Variants in ERFL observed in about 807,000 individuals in gnomAD.
ERFL encodes ETS domain-containing transcription factor ERF-like.
In ERFL, 8 loss-of-function variants were observed where a neutral mutation model predicts 27.9. The observed-to-expected ratio is 0.29, with a 90% CI of 0.17 to 0.52. ERFL has a LOEUF of 0.52. Among genes scored for constraint, ERFL ranks in the 20% least tolerant of loss-of-function variants. The probability of loss-of-function intolerance (pLI) is 0.97; values close to 1 mark genes in which losing one functional copy is unlikely to be tolerated. For missense variants in ERFL, 294 were observed against 444.4 expected (o/e 0.66, Z 3.04); for synonymous variants, 174 against 202.8 (o/e 0.86, Z 1.21).
chr19:41,921,139 G>A lies in ERFL; in HGVS notation c.-14+6901C>T, dbSNP rs560183410. On this transcript the variant is annotated intron_variant, in intron 1 of 5. Transcript: ENST00000597630. This position sits in a 1 kb window ranked among gnomAD's most constrained non-coding sequence, Gnocchi z 4.4. Reference sequence around the variant, plus strand: ...AGCTCTGGGGGAGGGGAGAGGGAGGGTGGAGGCGCCACCGTGAGGCGAGGC... The same window carrying A: ...AGCTCTGGGGGAGGGGAGAGGGAGGATGGAGGCGCCACCGTGAGGCGAGGC... 1.3e-5 allele frequency among the ~76,000 whole-genome samples: 2 copies of A among 152,158 alleles called. No individual in the cohort carries two copies. Among genetic ancestry groups the A allele is most frequent in the South Asian group, 4.2e-4 (2 of 4,792 alleles).
intron 1 of ERFL, among the ~76,000 whole-genome samples, chr19:41,919,020 G>T (rs60505133): frequency 6.7e-6 from 1 of 149,310 alleles, no homozygotes; most frequent in Non-Finnish European, 1.5e-5. Context: ...TACACACCAT[G>T]CCACAGACAC....
intron 1 of ERFL, among the ~76,000 whole-genome samples, chr19:41,918,954 A>G (rs1197812714): frequency 6.7e-6 from 1 of 150,278 alleles, no homozygotes; most frequent in Non-Finnish European, 1.5e-5. Flanking sequence ...CACCATACAC[A>G]CATGCACACC....
rs1245142166 is a variant in ERFL, at chr19:41,915,959, G to T, written c.-13-3027C>A. 4.6e-5 allele frequency among the ~76,000 whole-genome samples: 7 copies of T among 151,976 alleles called. No individual in the cohort carries two copies. In the East Asian group the frequency reaches 1.2e-3, roughly 25 times the overall value. ...CCCCCTCCCCCCCGCCGGCCGGCGT[G>T]GTGCGGATGGGTACTCCAGGCAAGC... On this transcript the variant is annotated intron_variant, in intron 1 of 5. Transcript: ENST00000597630.
intron 1 of ERFL, among the ~76,000 whole-genome samples, chr19:41,915,653 A>C (rs2074796305): frequency 6.8e-6 from 1 of 147,414 alleles, no homozygotes; most frequent in Non-Finnish European, 1.5e-5. Context: ...TCCATGCCCC[A>C]TCTCCCTGTC....
Position 41,909,912 on chromosome 19 carries a change from G to A in ERFL, c.253C>T (p.Arg85Cys), listed in dbSNP as rs1186471027. The change falls in exon 3 of 6, where the codon CGC (arginine) becomes TGC (cysteine). Residue 85 changes from arginine to cysteine, a missense_variant. Transcript: ENST00000597630. This position sits in a 1 kb window ranked among gnomAD's most constrained non-coding sequence, Gnocchi z 5.2. The part of the protein sequence containing the change: ...PDEVARLWGI[R>C]KCKPHMNYDK... ...TAATTCATGTGGGGCTTGCATTTGC[G>A]AATACCCCACAGCCGGGCCACCTCA... is the stretch of plus-strand genomic sequence containing the variant. The A allele has an allele frequency of 5.0e-6, 8 of 1,613,478 alleles. No individual in the cohort carries two copies. The highest frequency in any genetic ancestry group is 4.2e-6 in the Non-Finnish European group (5 of 1,179,810).
chr19:41,923,463 C>CA (rs1555852857), intron 1 of ERFL, among the ~76,000 whole-genome samples: 1 of 150,678 alleles, frequency 6.6e-6, no homozygotes, highest in Non-Finnish European at 1.5e-5. Flanking sequence ...GACAGACAGA[C>CA]AGAGACAAAA....
At chr19:41,912,581 T>TCGGGCCC (rs2074759424) in intron 2 of ERFL, among the ~76,000 whole-genome samples, 1 of 151,994 alleles carries the variant, frequency 6.6e-6, no homozygotes, top group Non-Finnish European at 1.5e-5. Context: ...TGCCCGGGCC[T>TCGGGCCC]CGGGCCCCTC....
intron 1 of ERFL, among the ~76,000 whole-genome samples, chr19:41,919,420 G>C (rs185217646): frequency 1.7e-4 from 26 of 152,092 alleles, no homozygotes; most frequent in African/African-American, 6.0e-4. Context: ...TTTAGGGCTG[G>C]ACACACAGTA....
Position 41,909,963 on chromosome 19 carries a change from C to T in ERFL, c.202G>A (p.Gly68Arg). ...QGVIAWQGDY[G>R]EFVIKDPDEV... ...TCGGGGTCTTTGATGACGAATTCCC[C>T]GTAGTCCCCCTGCCAGGCTATGACG... Residue 68 changes from glycine to arginine, a missense_variant, in exon 3 of 6, where the codon GGG (glycine) becomes AGG (arginine). By Grantham distance (125) the Gly-to-Arg change is moderately radical. Coordinates refer to ENST00000597630, the MANE Select transcript of ERFL (RefSeq NM_001365103.2). This position sits in a 1 kb window ranked among gnomAD's most constrained non-coding sequence, Gnocchi z 5.2. 5.6e-6 allele frequency: 9 copies of T among 1,613,896 alleles called. No homozygotes were observed. The highest frequency in any genetic ancestry group is 6.8e-6 in the Non-Finnish European group (8 of 1,179,958).
At position 41,928,392 on chromosome 19, in the gene ERFL, AGCGCGGGCGG is replaced by A. The variant is rs1367563865; in HGVS notation, c.-376_-367del. ...CTCCGGGCTGGAGCTCAGCACAGCG[AGCGCGGGCGG>A]GCGCGCGCCGGGGACAGCCTGGCCG... is the stretch of plus-strand genomic sequence containing the variant. On this transcript the variant is annotated 5_prime_UTR_variant, in exon 1 of 6. Transcript: ENST00000597630. 2 of 153,282 alleles carry A rather than the reference AGCGCGGGCGG, an allele frequency of 1.3e-5. No individual in the cohort carries two copies. Among genetic ancestry groups the A allele is most frequent in the African/African-American group, 4.8e-5 (2 of 41,380 alleles). The allele number at this position is 153,282 out of a possible 1,614,324, so 9.5% of individuals were successfully genotyped here. A position where few individuals can be genotyped will look rare whatever the true frequency, so the allele number is the denominator to read the frequency against.
chr19:41,925,162 G>A (rs1464688933), intron 1 of ERFL, among the ~76,000 whole-genome samples: 1 of 152,088 alleles, frequency 6.6e-6, no homozygotes, highest in East Asian at 1.9e-4. Flanking sequence ...TGCATAGTGG[G>A]TGTCGAAGCC....
rs1323997544 is a variant in ERFL, at chr19:41,909,065, C to T, written c.611G>A (p.Gly204Asp). Residue 204 changes from glycine (G) to aspartate (D), a missense_variant, in exon 5 of 6, where the codon GGC (glycine) becomes GAC (aspartate). Gly to Asp is a moderately conservative substitution (Grantham distance 94). This residue lies in a region of ERFL where 246 missense variants were observed against 371.4 expected (regional missense o/e 0.66). Transcript: ENST00000597630. The surrounding 1 kb of genome is among the most constrained non-coding windows in gnomAD (Gnocchi z 5.2). ...CAGAACCTCCAGGCTCTTACCAGAG[C>T]CCAGGAATGGGAAAGGGCTGTCCAG... ...LRLDSPFPFL[G>D]SGATSYSKPP... The T allele has an allele frequency of 8.1e-7, 1 of 1,231,248 alleles. No homozygotes were observed. Among genetic ancestry groups the T allele is most frequent in the Non-Finnish European group, 1.0e-6 (1 of 987,688 alleles). The allele number at this position is 1,231,248 out of a possible 1,614,324, so 76.3% of individuals were successfully genotyped here.
chr19:41,919,727 G>T (rs1299318465), intron 1 of ERFL, among the ~76,000 whole-genome samples: 1 of 152,058 alleles, frequency 6.6e-6, no homozygotes, highest in African/African-American at 2.4e-5. Context: ...TCTCAGGGTC[G>T]CACTCACTTG....
intron 1 of ERFL, among the ~76,000 whole-genome samples, chr19:41,915,458 C>T (rs2074795190): frequency 6.6e-6 from 1 of 151,792 alleles, no homozygotes; most frequent in African/African-American, 2.4e-5. Flanking sequence ...TCTTGGTTCC[C>T]ACGTCGTCTC....
In ERFL at chr19:41,915,159, T is replaced by C. The variant is rs1417003249; in HGVS notation, c.-13-2227A>G. ...CCCCACCCCCTATTGGCCCCTCTCA[T>C]TTCCGTGTTGGTTTTGATTTCTCTT... On this transcript the variant is annotated intron_variant, in intron 1 of 5. Coordinates refer to ENST00000597630, the MANE Select transcript of ERFL (RefSeq NM_001365103.2). Among the ~76,000 whole-genome samples, 4 of 77,214 alleles carry C rather than the reference T, an allele frequency of 5.2e-5. No individual in the cohort carries two copies. The Admixed American group carries it at 5.7e-4, about 11-fold the overall frequency. The allele number at this position is 77,214 out of a possible 152,430, so 50.7% of individuals were successfully genotyped here.
Position 41,909,619 on chromosome 19 carries a change from A to C in ERFL, c.303-148T>G, listed in dbSNP as rs549762024. ...GGCTCACAGAAGTCCCTTAATAGGG[A>C]TCACAGGGCAAGGAAGGGATGAGGC... On this transcript the variant is annotated intron_variant, in intron 3 of 5. Coordinates refer to ENST00000597630, the MANE Select transcript of ERFL (RefSeq NM_001365103.2). This position sits in a 1 kb window ranked among gnomAD's most constrained non-coding sequence, Gnocchi z 5.2. 2.4e-5 allele frequency: 20 copies of C among 840,820 alleles called. No individual in the cohort carries two copies. In the East Asian group the frequency reaches 5.3e-4, roughly 22 times the overall value. 52.1% of individuals were successfully genotyped at this position (840,820 alleles called of 1,614,324 possible).
chr19:41,913,671 A>G (rs2074768058), intron 1 of ERFL, among the ~76,000 whole-genome samples: 1 of 144,648 alleles, frequency 6.9e-6, no homozygotes, highest in Non-Finnish European at 1.5e-5. Context: ...TTCCCCTCAC[A>G]TCTGCCTCCC....
At position 41,909,219 on chromosome 19, in the gene ERFL, C is replaced by T; in HGVS notation, c.499-42G>A. 8.1e-7 allele frequency: 1 copy of T among 1,230,930 alleles called. No homozygotes were observed. Among genetic ancestry groups the T allele is most frequent in the South Asian group, 4.1e-5 (1 of 24,306 alleles). 76.3% of individuals were successfully genotyped at this position (1,230,930 alleles called of 1,614,324 possible). Reference sequence around the variant, plus strand: ...AGAAGCCGCCCTTCTCAGACTGTCCCCTCCCCAGAGTGGGCACCAAGTGCC... The same window carrying T: ...AGAAGCCGCCCTTCTCAGACTGTCCTCTCCCCAGAGTGGGCACCAAGTGCC... On this transcript the variant is annotated intron_variant, in intron 4 of 5. Coordinates refer to ENST00000597630, the MANE Select transcript of ERFL (RefSeq NM_001365103.2). The surrounding 1 kb of genome is among the most constrained non-coding windows in gnomAD (Gnocchi z 5.2).
At position 41,908,745 on chromosome 19, in the gene ERFL, C is replaced by G; in HGVS notation, c.617-69G>C. ...TGGGGACCAGTAAAGGGGGCTGCCTCCCTGCCATATCCCACCCCATCTCCC... is the reference window on the plus strand; with the variant it reads ...TGGGGACCAGTAAAGGGGGCTGCCTGCCTGCCATATCCCACCCCATCTCCC... On this transcript the variant is annotated intron_variant, in intron 5 of 5. Transcript: ENST00000597630. This position sits in a 1 kb window ranked among gnomAD's most constrained non-coding sequence, Gnocchi z 6.7. 2 of 815,348 alleles carry G rather than the reference C, an allele frequency of 2.5e-6. No individual in the cohort carries two copies. Among genetic ancestry groups the G allele is most frequent in the Non-Finnish European group, 3.3e-6 (2 of 607,616 alleles). 50.5% of individuals were successfully genotyped at this position (815,348 alleles called of 1,614,324 possible).
Sources: allele counts gnomAD v4.1 joint callset (sites outside exome capture counted in the v4.1 genomes callset), GRCh38; gene constraint gnomAD v4.1.1; regional missense constraint gnomAD v4.1.1; non-coding constraint Gnocchi (gnomAD v3.1); transcripts MANE v1.5; gene names NCBI Gene and HGNC (gene_info 2026-07-23, HGNC 2026-07-21).